PLAC1: variants seen among roughly 807,000 people sequenced by gnomAD.
PLAC1 encodes placenta associated 1.
For synonymous variants in PLAC1, 68 were observed against 62.1 expected (o/e 1.09, Z -0.44); for missense variants, 136 against 163.2 (o/e 0.83, Z 0.91).
intron 2 of PLAC1, among the ~76,000 whole-genome samples, chrX:134,595,422 A>G (rs1004223781): frequency 2.0e-4 from 22 of 109,910 alleles, no homozygotes; most frequent in African/African-American, 7.2e-4. Flanking sequence ...TAGTTGTTCT[A>G]TCAATTGTAA....
chrX:134,704,775 G>T (rs1480919713), intron 2 of PLAC1, among the ~76,000 whole-genome samples: 1 of 103,554 alleles, frequency 9.7e-6, no homozygotes, highest in Non-Finnish European at 1.9e-5. Context: ...GGCAGATCAC[G>T]AGGTCAGGAG....
intron 2 of PLAC1, among the ~76,000 whole-genome samples, chrX:134,668,422 C>T (rs1250157393): frequency 8.9e-6 from 1 of 112,240 alleles, no homozygotes; most frequent in Non-Finnish European, 1.9e-5. Flanking sequence ...AACTCTAAAC[C>T]TAAAGTCACA....
chrX:134,719,370 C>T (rs2078651492), intron 2 of PLAC1, among the ~76,000 whole-genome samples: 1 of 112,407 alleles, frequency 8.9e-6, no homozygotes, highest in African/African-American at 3.2e-5. Flanking sequence ...GTTGGTTCAA[C>T]ATAAGAAAAT....
At chrX:134,691,704 T>C (rs934231548) in intron 2 of PLAC1, among the ~76,000 whole-genome samples, 1 of 111,706 alleles carries the variant, frequency 9.0e-6, no homozygotes, top group African/African-American at 3.3e-5. Flanking sequence ...ACTTACACCT[T>C]AGTGTGCATT....
At chrX:134,761,286 T>C (rs1490962663) in intron 1 of PLAC1, among the ~76,000 whole-genome samples, 1 of 111,988 alleles carries the variant, frequency 8.9e-6, no homozygotes, top group Non-Finnish European at 1.9e-5. Context: ...AAAGGAGCTA[T>C]GACAGCTAGG....
At chrX:134,607,599 G>A in intron 1 of PLAC1, 1 of 156,121 alleles carries the variant, frequency 6.4e-6, no homozygotes. Flanking sequence ...AGCCGGAGCT[G>A]CTGGAACCTA....
chrX:134,615,010 T>C (rs143267576), intron 1 of PLAC1, among the ~76,000 whole-genome samples: 23 of 111,908 alleles, frequency 2.1e-4, no homozygotes, highest in African/African-American at 7.1e-4. Context: ...GAATCTTGGC[T>C]ATTGTGATTA....
rs1161958553 is a variant in PLAC1 at position 134,566,436 on chromosome X, T to C, written c.247A>G (p.Arg83Gly). 1 of 1,210,297 alleles carries C rather than the reference T, an allele frequency of 8.3e-7. No homozygotes were observed. Among genetic ancestry groups the C allele is most frequent in the Non-Finnish European group, 1.1e-6 (1 of 895,323 alleles). The stretch of plus-strand genomic sequence containing the variant: ...ATGTCCTGAGAGACAGCTTTGGCCC[T>C]GATGCCACATTCAGTAACACGGTAG... ...FTYRVTECGI[R>G]AKAVSQDMVI... Residue 83 changes from arginine to glycine, a missense_variant, in exon 3 of 3, where the codon AGG becomes GGG. Coordinates refer to ENST00000359237, the MANE Select transcript of PLAC1 (RefSeq NM_021796.4).
intron 2 of PLAC1, among the ~76,000 whole-genome samples, chrX:134,707,864 G>A (rs1196798898): frequency 9.0e-6 from 1 of 111,525 alleles, no homozygotes; most frequent in African/African-American, 3.3e-5. Flanking sequence ...AGAAAGTAAA[G>A]GAATAAAGTT....
chrX:134,639,556 A>C (rs1236865270), intron 1 of PLAC1, among the ~76,000 whole-genome samples: 1 of 112,074 alleles, frequency 8.9e-6, no homozygotes, highest in East Asian at 2.8e-4. Flanking sequence ...TTCTACTTTG[A>C]CTTTTTCCAA....
chrX:134,697,598 T>C (rs763105914), intron 2 of PLAC1, among the ~76,000 whole-genome samples: 1 of 112,488 alleles, frequency 8.9e-6, no homozygotes, highest in Admixed American at 9.4e-5. Context: ...CTGGGCACAG[T>C]GGCTCACACC....
At chrX:134,746,940 A>G (rs907644697) in intron 1 of PLAC1, among the ~76,000 whole-genome samples, 38 of 112,124 alleles carry the variant, frequency 3.4e-4, no homozygotes, top group African/African-American at 1.2e-3. Context: ...ATTGTGCTCA[A>G]TGTTCAAGGG....
chrX:134,705,416 CAAAAAAA>C (rs756637363), intron 2 of PLAC1, among the ~76,000 whole-genome samples: 6 of 28,990 alleles, frequency 2.1e-4, no homozygotes, highest in Non-Finnish European at 3.5e-4. Context: ...GACTCCGTCT[CAAAAAAA>C]AAAAAAAAAA....
At chrX:134,672,269 G>A (rs762051078) in intron 2 of PLAC1, among the ~76,000 whole-genome samples, 2 of 111,087 alleles carry the variant, frequency 1.8e-5, no homozygotes, top group East Asian at 2.8e-4. Flanking sequence ...AGATAACCTC[G>A]CAGGGTCCCC....
At chrX:134,619,680 A>T (rs373215315) in intron 1 of PLAC1, among the ~76,000 whole-genome samples, 22 of 111,192 alleles carry the variant, frequency 2.0e-4, no homozygotes, top group African/African-American at 7.2e-4. Flanking sequence ...AAGAAAAGAA[A>T]AAGAAAACCT....
intron 2 of PLAC1, among the ~76,000 whole-genome samples, chrX:134,688,774 C>T (rs1407541612): frequency 8.9e-6 from 1 of 111,849 alleles, no homozygotes; most frequent in African/African-American, 3.3e-5. Flanking sequence ...GAACACCATC[C>T]TTGTGTAAAG....
intron 2 of PLAC1, among the ~76,000 whole-genome samples, chrX:134,664,979 C>T (rs937120204): frequency 2.7e-5 from 3 of 111,614 alleles, no homozygotes; most frequent in African/African-American, 3.3e-5. Context: ...AAAAACTCCC[C>T]GCTATATTTC....
intron 1 of PLAC1, among the ~76,000 whole-genome samples, chrX:134,636,040 G>A (rs2078281997): frequency 8.9e-6 from 1 of 112,069 alleles, no homozygotes; most frequent in Non-Finnish European, 1.9e-5. Flanking sequence ...GTGTAACACA[G>A]GACTATCCTG....
At chrX:134,738,680 T>C (rs2078709836) in intron 1 of PLAC1, among the ~76,000 whole-genome samples, 1 of 112,619 alleles carries the variant, frequency 8.9e-6, no homozygotes, top group Admixed American at 9.4e-5. Flanking sequence ...CACTGACCTT[T>C]CCAAAATTCA....
Sources: gnomAD v4.1 joint callset for allele counts (sites outside exome capture counted in the v4.1 genomes callset) on GRCh38, gnomAD v4.1.1 for gene constraint, MANE v1.5 for transcripts, NCBI Gene and HGNC (gene_info 2026-07-23, HGNC 2026-07-21) for gene names.